Variants in CDC73 observed in about 807,000 individuals in gnomAD.
CDC73 encodes cell division cycle 73.
In CDC73, 21 loss-of-function variants were observed where a neutral mutation model predicts 83.7. The observed-to-expected ratio is 0.25, with a 90% CI of 0.18 to 0.36. CDC73 has a LOEUF of 0.36. Ranked by LOEUF, CDC73 falls within the 10% of genes least tolerant of loss-of-function variation. CDC73 has a pLI of 1.00. For synonymous variants in CDC73, 224 were observed against 212.9 expected, an observed-to-expected ratio of 1.05 and a Z score of -0.45; for missense variants, 342 against 653.3, an observed-to-expected ratio of 0.52 and a Z score of 5.19.
At chr1:193,159,330 A>G (rs1331906569) in intron 10 of CDC73, among the ~76,000 whole-genome samples, 1 of 152,130 alleles carries the variant, frequency 6.6e-6, no homozygotes, top group Non-Finnish European at 1.5e-5. Context: ...CACCTTGTTT[A>G]GCATTGCCCT....
chr1:193,158,956 AG>A (rs1676256403), intron 10 of CDC73, among the ~76,000 whole-genome samples: 1 of 22,426 alleles, frequency 4.5e-5, no homozygotes, highest in Non-Finnish European at 1.4e-4. Context: ...TGTTGTATAC[AG>A]TTTTTTGTTA....
chr1:193,172,716 T>TC (rs1676536481), intron 10 of CDC73, among the ~76,000 whole-genome samples: 2 of 152,138 alleles, frequency 1.3e-5, no homozygotes, highest in South Asian at 2.1e-4. Flanking sequence ...GCATCCTTTT[T>TC]CCCTCTTCCT....
rs373238501 is a variant in CDC73, at chr1:193,253,409, T to TTTG, written c.*2712_*2714dup. The TTTG allele has an allele frequency of 9.5e-5, 22 of 232,398 alleles. No individual in the cohort carries two copies. Among genetic ancestry groups the TTTG allele is most frequent in the Non-Finnish European group, 1.2e-4 (14 of 117,600 alleles). The allele number at this position is 232,398 out of a possible 1,614,324, so 14.4% of individuals were successfully genotyped here. ...TGTATGTATGTGTGGTTTTTGATTT[T>TTTG]TTGTTGTTGTTGTTGTTTTGTGGCC... is the stretch of plus-strand genomic sequence containing the variant. On this transcript the variant is annotated 3_prime_UTR_variant, in exon 17 of 17. Transcript: ENST00000367435.
Position 193,252,876 on chromosome 1 carries a change from T to C in CDC73, c.*2164T>C. 4.3e-6 allele frequency: 1 copy of C among 231,936 alleles called. No individual in the cohort carries two copies. Among genetic ancestry groups the C allele is most frequent in the East Asian group, 6.1e-5 (1 of 16,368 alleles). 14.4% of individuals were successfully genotyped at this position (231,936 alleles called of 1,614,324 possible). On this transcript the variant is annotated 3_prime_UTR_variant, in exon 17 of 17. Coordinates refer to ENST00000367435, the MANE Select transcript of CDC73 (RefSeq NM_024529.5). Reference sequence around the variant, plus strand: ...AATACTTACATGCATGAATGAATAATGTATTTTCAGTGTAACAAATTTATT... The same window carrying C: ...AATACTTACATGCATGAATGAATAACGTATTTTCAGTGTAACAAATTTATT...
At chr1:193,212,621 A>G (rs115158706) in intron 13 of CDC73, 144 bp downstream of exon 13, 14 of 469,086 alleles carry the variant, frequency 3.0e-5, no homozygotes, top group Non-Finnish European at 4.3e-5. Flanking sequence ...TGAAGCATAC[A>G]TTTTCAAAAC....
At chr1:193,219,202 C>T (rs757228499) in intron 13 of CDC73, among the ~76,000 whole-genome samples, 4 of 152,160 alleles carry the variant, frequency 2.6e-5, no homozygotes, top group Non-Finnish European at 5.9e-5. Context: ...TCTCACATCA[C>T]ACCAGTCAAA....
At chr1:193,193,779 T>A (rs1297233700) in intron 10 of CDC73, among the ~76,000 whole-genome samples, 3 of 104,994 alleles carry the variant, frequency 2.9e-5, no homozygotes, top group Non-Finnish European at 5.6e-5. Context: ...GTCTTACTTG[T>A]AGTGTGTGTG....
chr1:193,204,720 A>G (rs1450115794), intron 11 of CDC73, among the ~76,000 whole-genome samples: 1 of 152,212 alleles, frequency 6.6e-6, no homozygotes, highest in Non-Finnish European at 1.5e-5. Flanking sequence ...GGTATAGAGA[A>G]GAGTTAAAGA....
intron 10 of CDC73, among the ~76,000 whole-genome samples, chr1:193,187,102 T>TCTCCCCCC (rs1676824843): frequency 3.0e-5 from 1 of 32,868 alleles, no homozygotes; most frequent in African/African-American, 1.0e-4. Context: ...GTAATTTAGA[T>TCTCCCCCC]CCCCCCCCCC....
intron 10 of CDC73, among the ~76,000 whole-genome samples, chr1:193,164,739 G>A (rs1231577544): frequency 6.6e-6 from 1 of 152,094 alleles, no homozygotes; most frequent in East Asian, 1.9e-4. Context: ...TCTATTCCTT[G>A]TTGTGTCTGA....
At chr1:193,130,299 C>G in intron 3 of CDC73, 56 bp downstream of exon 3, 1 of 1,071,266 alleles carries the variant, frequency 9.3e-7, no homozygotes, top group South Asian at 1.3e-5. Context: ...CTTTTTTCCC[C>G]TATGAAATAA....
intron 10 of CDC73, among the ~76,000 whole-genome samples, chr1:193,168,274 A>G (rs1676465572): frequency 6.6e-6 from 1 of 152,166 alleles, no homozygotes; most frequent in South Asian, 2.1e-4. Flanking sequence ...AATGCTTGGC[A>G]CACAAAATGC....
Position 193,253,689 on chromosome 1 carries a change from CATA to C in CDC73, c.*2980_*2982del, listed in dbSNP as rs1248691872. 1 of 231,460 alleles carries C rather than the reference CATA, an allele frequency of 4.3e-6. No individual in the cohort carries two copies. The highest frequency in any genetic ancestry group is 2.2e-5 in the African/African-American group (1 of 45,244). 14.3% of individuals were successfully genotyped at this position (231,460 alleles called of 1,614,324 possible). A position where few individuals can be genotyped will look rare whatever the true frequency, so the allele number is the denominator to read the frequency against. On this transcript the variant is annotated 3_prime_UTR_variant, in exon 17 of 17. Coordinates refer to ENST00000367435, the MANE Select transcript of CDC73 (RefSeq NM_024529.5). The stretch of plus-strand genomic sequence containing the variant: ...AACTAATTCATAATGAGGAAAATCT[CATA>C]ATTTTTAAGGCAGAAAGAAGTATTA...
chr1:193,232,051 A>T (rs1016430947), intron 13 of CDC73, among the ~76,000 whole-genome samples: 1 of 152,298 alleles, frequency 6.6e-6, no homozygotes, highest in East Asian at 1.9e-4. Flanking sequence ...AGCTATCCAG[A>T]TTGCTAAGTT....
At chr1:193,242,104 G>C (rs1221381975) in intron 15 of CDC73, among the ~76,000 whole-genome samples, 1 of 152,194 alleles carries the variant, frequency 6.6e-6, no homozygotes, top group African/African-American at 2.4e-5. Context: ...CAGGTTTGCA[G>C]GGGTTGGGGG....
chr1:193,163,025 T>A (rs1395378754), intron 10 of CDC73, among the ~76,000 whole-genome samples: 1 of 152,160 alleles, frequency 6.6e-6, no homozygotes, highest in African/African-American at 2.4e-5. Context: ...TAGTAACTTA[T>A]CTAGCTACAC....
intron 11 of CDC73, among the ~76,000 whole-genome samples, chr1:193,208,823 C>A (rs921578871): frequency 6.6e-6 from 1 of 152,138 alleles, no homozygotes; most frequent in African/African-American, 2.4e-5. Context: ...CAGTTTCTTC[C>A]CGCCTATGGT....
chr1:193,224,595 C>T (rs1484471450), intron 13 of CDC73, among the ~76,000 whole-genome samples: 1 of 151,880 alleles, frequency 6.6e-6, no homozygotes, highest in Non-Finnish European at 1.5e-5. Context: ...AATATGCATT[C>T]ACATGTACAC....
At chr1:193,144,754 T>C (rs541464385) in intron 7 of CDC73, among the ~76,000 whole-genome samples, 10 of 152,240 alleles carry the variant, frequency 6.6e-5, no homozygotes, top group African/African-American at 2.4e-4. Flanking sequence ...GTGTGAAGTA[T>C]GAACTGAATC....
Sources: allele counts gnomAD v4.1 joint callset (sites outside exome capture counted in the v4.1 genomes callset), GRCh38; gene constraint gnomAD v4.1.1; transcripts MANE v1.5; gene names NCBI Gene and HGNC (gene_info 2026-07-23, HGNC 2026-07-21).